TUBG1: variants seen among roughly 807,000 people sequenced by gnomAD.
TUBG1 encodes tubulin gamma-1 chain.
Under a neutral mutation model 53.3 loss-of-function variants are expected in TUBG1, and 22 were observed. That is an observed-to-expected ratio of 0.41 (90% CI 0.29 to 0.59). TUBG1 has a LOEUF of 0.59. Ranked by LOEUF, TUBG1 falls within the 20% of genes least tolerant of loss-of-function variation. The probability of loss-of-function intolerance (pLI) is 0.26; values close to 1 mark genes in which losing one functional copy is unlikely to be tolerated. For synonymous variants in TUBG1, 198 were observed against 236.7 expected, an observed-to-expected ratio of 0.84 and a Z score of 1.50; for missense variants, 217 against 598.9, an observed-to-expected ratio of 0.36 and a Z score of 6.66.
Position 42,613,946 on chromosome 17 carries a change from C to T in TUBG1, c.791C>T (p.Pro264Leu). 1 of 1,614,200 alleles carries T rather than the reference C, an allele frequency of 6.2e-7. No individual in the cohort carries two copies. The highest frequency in any genetic ancestry group is 8.5e-7 in the Non-Finnish European group (1 of 1,180,040). Residue 264 changes from proline to leucine, a missense_variant, in exon 8 of 11, where the codon CCA (proline) becomes CTA (leucine). This residue lies in a region of TUBG1 where 135 missense variants were observed against 371.2 expected (regional missense o/e 0.36). Coordinates refer to ENST00000251413, the MANE Select transcript of TUBG1 (RefSeq NM_001070.5). Reference protein sequence around the residue: ...IGLIASLIPTPRLHFLMTGYT... With the variant: ...IGLIASLIPTLRLHFLMTGYT... ...CTCATCGCCTCGCTCATTCCCACCC[C>T]ACGGCTCCACTTCCTCATGACCGGC...
intron 1 of TUBG1, 25 bp downstream of exon 1, chr17:42,609,811 C>G: frequency 6.5e-7 from 1 of 1,549,930 alleles, no homozygotes; most frequent in East Asian, 2.4e-5. Flanking sequence ...GGCCCCTCAG[C>G]TAGCCAGGTT....
At chr17:42,612,323 A>T in intron 4 of TUBG1, 104 bp from the exon 5 acceptor site, 1 of 1,409,976 alleles carries the variant, frequency 7.1e-7, no homozygotes, top group Non-Finnish European at 9.9e-7. Flanking sequence ...CTGGATGGGA[A>T]GCAAGGGCTC....
Position 42,614,850 on chromosome 17 carries a change from G to C in TUBG1, c.1165G>C (p.Glu389Gln). 3.1e-6 allele frequency: 5 copies of C among 1,614,160 alleles called. No homozygotes were observed. Among genetic ancestry groups the C allele is most frequent in the Non-Finnish European group, 4.2e-6 (5 of 1,180,028 alleles). ...GTTTTCTGCACACCCCAAGCTCTTCGAGAGAACCTGTCGCCAGTATGACAA... is the reference window on the plus strand; with the variant it reads ...GTTTTCTGCACACCCCAAGCTCTTCCAGAGAACCTGTCGCCAGTATGACAA... ...ANHTSISSLF[E>Q]RTCRQYDKLR... is the part of the protein sequence containing the mutation. Residue 389 changes from glutamate (E) to glutamine (Q), a missense_variant, in exon 11 of 11, where the codon GAG (glutamate) becomes CAG (glutamine). Glu to Gln is a conservative substitution (Grantham distance 29). Transcript: ENST00000251413. This position sits in a 1 kb window ranked among gnomAD's most constrained non-coding sequence, Gnocchi z 5.1.
Position 42,613,022 on chromosome 17 carries a change from T to C in TUBG1, c.555T>C (p.Pro185=), listed in dbSNP as rs1258311266. 3 of 1,613,966 alleles carry C rather than the reference T, an allele frequency of 1.9e-6. No homozygotes were observed. Among genetic ancestry groups the C allele is most frequent in the Admixed American group, 1.7e-5 (1 of 59,986 alleles). The change falls in exon 6 of 11, where the codon CCT becomes CCC. Residue 185 remains proline, a synonymous_variant. Transcript: ENST00000251413. ...QDEMSDVVVQ[P]YNSLLTLKRL... ...AGATGAGCGATGTGGTGGTCCAGCC[T>C]TACAATTCACTCCTCACACTCAAGA...
chr17:42,610,246 C>T, intron 2 of TUBG1, 26 bp downstream of exon 2: 1 of 1,614,030 alleles, frequency 6.2e-7, no homozygotes, highest in Non-Finnish European at 8.5e-7. Context: ...TGGCCGGGGG[C>T]GGCAGTTGCC....
rs1358017315 is a variant in TUBG1 at position 42,615,110 on chromosome 17, T to C, written c.*69T>C. 6.6e-7 allele frequency: 1 copy of C among 1,522,150 alleles called. No individual in the cohort carries two copies. The highest frequency in any genetic ancestry group is 9.1e-7 in the Non-Finnish European group (1 of 1,104,034). The allele number at this position is 1,522,150 out of a possible 1,614,324, so 94.3% of individuals were successfully genotyped here. A position where few individuals can be genotyped will look rare whatever the true frequency, so the allele number is the denominator to read the frequency against. On this transcript the variant is annotated 3_prime_UTR_variant, in exon 11 of 11. Transcript: ENST00000251413. ...AAGCCCTGCCTGACTGACCACCCCC[T>C]CAGAGCACAGATCAGGGACCTCACG...
chr17:42,614,050 C>T lies in TUBG1; in HGVS notation c.843+52C>T, dbSNP rs775973448. The stretch of plus-strand genomic sequence containing the variant: ...CCAGGCCGGCCCTGGGCCCAACAGG[C>T]CCTGTCCTAGCCTTTCTCTCTTCCC... On this transcript the variant is annotated intron_variant, in intron 8 of 10. Coordinates refer to ENST00000251413, the MANE Select transcript of TUBG1 (RefSeq NM_001070.5). This position sits in a 1 kb window ranked among gnomAD's most constrained non-coding sequence, Gnocchi z 5.1. 5 of 1,612,964 alleles carry T rather than the reference C, an allele frequency of 3.1e-6. No individual in the cohort carries two copies. The South Asian group carries it at 4.4e-5, about 14-fold the overall frequency.
At chr17:42,609,993 GT>G in intron 1 of TUBG1, 114 bp from the exon 2 acceptor site, 7 of 1,381,942 alleles carry the variant, frequency 5.1e-6, no homozygotes, top group Non-Finnish European at 7.0e-6. Flanking sequence ...ACACGGGAGA[GT>G]CCTGCGGCTT....
rs375839941 is a variant in TUBG1, at chr17:42,614,995, C to T, written c.1310C>T (p.Ala437Val). Reference sequence around the variant, plus strand: ...CAGCAGCTCATCGATGAGTACCATGCGGCCACACGGCCAGACTACATCTCC... The same window carrying T: ...CAGCAGCTCATCGATGAGTACCATGTGGCCACACGGCCAGACTACATCTCC... ...IVQQLIDEYH[A>V]ATRPDYISWG... Residue 437 changes from alanine (A) to valine (V), a missense_variant, in exon 11 of 11, where the codon GCG (alanine) becomes GTG (valine). This residue lies in a region of TUBG1 where 25 missense variants were observed against 32.4 expected (regional missense o/e 0.77). Coordinates refer to ENST00000251413, the MANE Select transcript of TUBG1 (RefSeq NM_001070.5). The surrounding 1 kb of genome is among the most constrained non-coding windows in gnomAD (Gnocchi z 5.1). 39 of 1,614,034 alleles carry T rather than the reference C, an allele frequency of 2.4e-5. No individual in the cohort carries two copies. Among genetic ancestry groups the T allele is most frequent in the African/African-American group, 2.0e-4 (15 of 74,928 alleles).
intron 6 of TUBG1, among the ~76,000 whole-genome samples, chr17:42,613,292 A>G (rs972009423): frequency 6.6e-6 from 1 of 152,160 alleles, no homozygotes; most frequent in Non-Finnish European, 1.5e-5. Flanking sequence ...TCTACTAAAA[A>G]TACAAAAATT....
rs2052065602 is a variant in TUBG1, at chr17:42,615,008, A to G, written c.1323A>G (p.Pro441=). The G allele has an allele frequency of 6.2e-7, 1 of 1,614,200 alleles. No individual in the cohort carries two copies. Among genetic ancestry groups the G allele is most frequent in the Non-Finnish European group, 8.5e-7 (1 of 1,180,026 alleles). ...LIDEYHAATR[P]DYISWGTQEQ is the part of the protein sequence containing the mutation. Reference sequence around the variant, plus strand: ...ATGAGTACCATGCGGCCACACGGCCAGACTACATCTCCTGGGGCACCCAGG... The same window carrying G: ...ATGAGTACCATGCGGCCACACGGCCGGACTACATCTCCTGGGGCACCCAGG... Residue 441 remains proline (P), a synonymous_variant, in exon 11 of 11, where the codon CCA becomes CCG. Coordinates refer to ENST00000251413, the MANE Select transcript of TUBG1 (RefSeq NM_001070.5).
At chr17:42,611,447 A>C (rs573141168) in intron 3 of TUBG1, among the ~76,000 whole-genome samples, 32 of 152,276 alleles carry the variant, frequency 2.1e-4, no homozygotes, top group African/African-American at 7.7e-4. Context: ...CCAAAACATA[A>C]CTGGCCCCAA....
intron 4 of TUBG1, 76 bp downstream of exon 4, chr17:42,612,219 G>A (rs1468344869): frequency 1.4e-5 from 21 of 1,491,584 alleles, no homozygotes; most frequent in Non-Finnish European, 1.9e-5. Context: ...GACCTGTTAG[G>A]AACAAGACCC....
At position 42,614,757 on chromosome 17, in the gene TUBG1, G is replaced by A; in HGVS notation, c.1159-87G>A. On this transcript the variant is annotated intron_variant, in intron 10 of 10. Coordinates refer to ENST00000251413, the MANE Select transcript of TUBG1 (RefSeq NM_001070.5). This position sits in a 1 kb window ranked among gnomAD's most constrained non-coding sequence, Gnocchi z 5.1. ...CCCTGCTTCTAGCTTTTTTGCTGTGGGCATAGCCCAGCCTTGGTTCCCCAG... is the reference window on the plus strand; with the variant it reads ...CCCTGCTTCTAGCTTTTTTGCTGTGAGCATAGCCCAGCCTTGGTTCCCCAG... The A allele has an allele frequency of 6.2e-7, 1 of 1,606,642 alleles. No homozygotes were observed. The highest frequency in any genetic ancestry group is 1.3e-5 in the African/African-American group (1 of 74,674).
rs1407030447 is a variant in TUBG1 at position 42,615,109 on chromosome 17, C to A, written c.*68C>A. On this transcript the variant is annotated 3_prime_UTR_variant, in exon 11 of 11. Transcript: ENST00000251413. ...CAAGCCCTGCCTGACTGACCACCCC[C>A]TCAGAGCACAGATCAGGGACCTCAC... 4 of 1,528,190 alleles carry A rather than the reference C, an allele frequency of 2.6e-6. No homozygotes were observed. In the South Asian group the frequency reaches 3.4e-5, roughly 13 times the overall value. 94.7% of individuals were successfully genotyped at this position (1,528,190 alleles called of 1,614,324 possible). A position where few individuals can be genotyped will look rare whatever the true frequency, so the allele number is the denominator to read the frequency against.
At chr17:42,610,038 C>G (rs1338212941) in intron 1 of TUBG1, 70 bp from the exon 2 acceptor site, 3 of 1,575,144 alleles carry the variant, frequency 1.9e-6, no homozygotes, top group East Asian at 2.2e-5. Context: ...CGCCCAGTCC[C>G]CCGGCTCCTG....
rs796336444 is a variant in TUBG1 at position 42,612,828 on chromosome 17, A to C, written c.480-119A>C. 10 of 1,404,128 alleles carry C rather than the reference A, an allele frequency of 7.1e-6. No homozygotes were observed. In the African/African-American group the frequency reaches 1.3e-4, roughly 18 times the overall value. 87.0% of individuals were successfully genotyped at this position (1,404,128 alleles called of 1,614,324 possible). A position where few individuals can be genotyped will look rare whatever the true frequency, so the allele number is the denominator to read the frequency against. ...AAAGTCAAGGCTCCCTTCTCTACTG[A>C]TTTGACCCCACCCCAGTTTCGCCAT... is the stretch of plus-strand genomic sequence containing the variant. On this transcript the variant is annotated intron_variant, in intron 5 of 10. Coordinates refer to ENST00000251413, the MANE Select transcript of TUBG1 (RefSeq NM_001070.5).
At chr17:42,609,933 C>A in intron 1 of TUBG1, 147 bp downstream of exon 1, 2 of 1,322,594 alleles carry the variant, frequency 1.5e-6, no homozygotes, top group African/African-American at 1.5e-5. Flanking sequence ...CTTGCCCAAC[C>A]CCGAGGGGCC....
chr17:42,613,794 G>A (rs886180618), intron 7 of TUBG1, 55 bp from the exon 8 acceptor site: 1 of 1,614,012 alleles, frequency 6.2e-7, no homozygotes, highest in African/African-American at 1.3e-5. Context: ...GGGTCATTTG[G>A]GGAAGGGAGG....
Sources: gnomAD v4.1 joint callset for allele counts (sites outside exome capture counted in the v4.1 genomes callset) on GRCh38, gnomAD v4.1.1 for gene constraint, gnomAD v4.1.1 regional missense constraint, Gnocchi (gnomAD v3.1) non-coding constraint, MANE v1.5 for transcripts, NCBI Gene and HGNC (gene_info 2026-07-23, HGNC 2026-07-21) for gene names.